OTOGL: variants seen among roughly 807,000 people sequenced by gnomAD.
The protein encoded by OTOGL is otogelin-like protein.
OTOGL carries 285 observed loss-of-function variants against 318.5 expected under a neutral mutation model. That is an observed-to-expected ratio of 0.89 (90% CI 0.81 to 0.99). The LOEUF is 0.99. OTOGL is among the 50% of genes least tolerant of loss of function. The pLI is 0.00. For synonymous variants in OTOGL, 987 were observed against 936.5 expected (o/e 1.05, Z -0.99); for missense variants, 2,899 against 2,845.6 (o/e 1.02, Z -0.43).
intron 1 of OTOGL, among the ~76,000 whole-genome samples, chr12:80,108,144 A>T (rs1002082080): frequency 6.6e-6 from 1 of 152,104 alleles, no homozygotes; most frequent in African/African-American, 2.4e-5. Context: ...AATATCAGGA[A>T]GTTGGCAAAT....
intron 1 of OTOGL, among the ~76,000 whole-genome samples, chr12:80,111,755 T>A (rs1869852895): frequency 6.6e-6 from 1 of 152,198 alleles, no homozygotes; most frequent in South Asian, 2.1e-4. Context: ...CCATATGAAA[T>A]TTAAGTAGTT....
Position 80,377,877 on chromosome 12 carries a change from CCCATCAG to C in OTOGL, c.6893_6899del (p.Pro2298LeufsTer12). ...ATGTTGCATCTTGTGACGGCAAATG[CCCATCAG>C]CTACCATATATAACATCAATATTGA... is the stretch of plus-strand genomic sequence containing the variant. On this transcript the variant is annotated frameshift_variant, in exon 59 of 59. Coordinates refer to ENST00000547103, the MANE Select transcript of OTOGL (RefSeq NM_001378609.3). LOFTEE classifies it high-confidence loss of function. 1 of 1,611,022 alleles carries C rather than the reference CCCATCAG, an allele frequency of 6.2e-7. No homozygotes were observed.
At chr12:80,110,942 CTAACTGGTGTGAAATGATATCTCATTG>C (rs1423589449) in intron 1 of OTOGL, among the ~76,000 whole-genome samples, 2 of 152,198 alleles carry the variant, frequency 1.3e-5, no homozygotes, top group Non-Finnish European at 2.9e-5. Context: ...GATTGCCATT[CTAACTGGTGTGAAATGATATCTCATTG>C]TGGTTTTAAT....
intron 29 of OTOGL, among the ~76,000 whole-genome samples, chr12:80,309,493 A>G (rs959359079): frequency 3.9e-5 from 6 of 152,156 alleles, no homozygotes; most frequent in African/African-American, 1.4e-4. Flanking sequence ...GTGAATTTCA[A>G]AAAGTTAATT....
intron 1 of OTOGL, among the ~76,000 whole-genome samples, chr12:80,137,930 G>A (rs958032768): frequency 6.6e-6 from 1 of 152,230 alleles, no homozygotes; most frequent in African/African-American, 2.4e-5. Context: ...TCACTTTGGA[G>A]TCTCCTAGCC....
At position 80,368,222 on chromosome 12, in the gene OTOGL, A is replaced by G. The variant is rs1890669526; in HGVS notation, c.6528A>G (p.Pro2176=). Residue 2176 remains proline (P), a synonymous_variant, in exon 55 of 59, where the codon CCA becomes CCG. Transcript: ENST00000547103. ...ATATGCAGCACCAGGTATATACTCC[A>G]TCCCCAAGTGATTATGGTTGTTGTG... ...KKCDVHQVYT[P]SPSDYGCCGT... is the part of the protein sequence containing the mutation. 1.9e-6 allele frequency: 3 copies of G among 1,599,962 alleles called. No homozygotes were observed. Among genetic ancestry groups the G allele is most frequent in the East Asian group, 2.2e-5 (1 of 44,560 alleles).
chr12:80,309,848 G>A (rs1396511707), intron 29 of OTOGL, among the ~76,000 whole-genome samples: 9 of 152,188 alleles, frequency 5.9e-5, no homozygotes, highest in Non-Finnish European at 7.3e-5. Context: ...AATTCAGGAA[G>A]GAGATGTGGG....
intron 1 of OTOGL, among the ~76,000 whole-genome samples, chr12:80,122,033 A>C (rs10862055): frequency 0.54 from 82,130 of 151,858 alleles, 22,363 homozygotes; most frequent in Non-Finnish European, 0.58. Flanking sequence ...TAATTCAAGC[A>C]CCAAATCCAT....
At chr12:80,195,909 C>T (rs1407069592) in intron 1 of OTOGL, among the ~76,000 whole-genome samples, 2 of 152,194 alleles carry the variant, frequency 1.3e-5, no homozygotes, top group East Asian at 3.8e-4. Context: ...ACCAGAATAT[C>T]ACTGAACATA....
intron 11 of OTOGL, among the ~76,000 whole-genome samples, chr12:80,240,063 C>T (rs1258005904): frequency 6.6e-6 from 1 of 152,036 alleles, no homozygotes; most frequent in Non-Finnish European, 1.5e-5. Context: ...GGATTTCATT[C>T]TTTTTTATGG....
chr12:80,270,538 G>A (rs1883332968), intron 23 of OTOGL, among the ~76,000 whole-genome samples: 1 of 152,120 alleles, frequency 6.6e-6, no homozygotes, highest in Non-Finnish European at 1.5e-5. Context: ...AGATTTTAGT[G>A]TGCACATATG....
intron 22 of OTOGL, among the ~76,000 whole-genome samples, chr12:80,268,604 A>G (rs931913985): frequency 1.3e-5 from 2 of 152,182 alleles, no homozygotes; most frequent in Admixed American, 6.6e-5. Context: ...CAGTACTATT[A>G]TTCACACAGT....
intron 1 of OTOGL, among the ~76,000 whole-genome samples, chr12:80,188,881 C>T (rs1294075776): frequency 6.6e-6 from 1 of 152,172 alleles, no homozygotes; most frequent in East Asian, 1.9e-4. Flanking sequence ...ATTATTTTAT[C>T]TGTTTTTAAT....
rs866760437 is a variant in OTOGL, at chr12:80,356,675, T to C, written c.5912-132T>C. The C allele has an allele frequency of 3.5e-4, 212 of 598,696 alleles. 1 individual carries two copies. In the Middle Eastern group the frequency reaches 6.3e-3, roughly 18 times the overall value. The allele number at this position is 598,696 out of a possible 1,614,324, so 37.1% of individuals were successfully genotyped here. On this transcript the variant is annotated intron_variant, in intron 48 of 58. Transcript: ENST00000547103. ...TTTTAAACCTGGTATATATCTTTCA[T>C]ATATATGTATATATATATATGATTA...
rs1318510271 is a variant in OTOGL at position 80,146,490 on chromosome 12, A to G, written c.-20+46885A>G. ...TTTTATTGAGGATTTTTGCATCAATATTCATCAAGGATATTGGTCTAAAAT... is the reference window on the plus strand; with the variant it reads ...TTTTATTGAGGATTTTTGCATCAATGTTCATCAAGGATATTGGTCTAAAAT... On this transcript the variant is annotated intron_variant, in intron 1 of 58. Transcript: ENST00000547103. Among the ~76,000 whole-genome samples the G allele has an allele frequency of 1.1e-4, 16 of 151,928 alleles. No homozygotes were observed. The South Asian group carries it at 1.5e-3, about 14-fold the overall frequency.
At chr12:80,177,888 T>C (rs559200862) in intron 1 of OTOGL, among the ~76,000 whole-genome samples, 2 of 152,232 alleles carry the variant, frequency 1.3e-5, no homozygotes, top group Admixed American at 1.3e-4. Flanking sequence ...ACTACTGCAG[T>C]AATACTCTTC....
At chr12:80,147,093 C>G (rs1223896649) in intron 1 of OTOGL, among the ~76,000 whole-genome samples, 1 of 151,462 alleles carries the variant, frequency 6.6e-6, no homozygotes, top group Non-Finnish European at 1.5e-5. Flanking sequence ...TTGCCTTCTG[C>G]TAGCTTTTGA....
intron 14 of OTOGL, 53 bp downstream of exon 14, chr12:80,253,627 C>T: frequency 2.1e-6 from 3 of 1,396,346 alleles, no homozygotes; most frequent in Non-Finnish European, 3.0e-6. Context: ...TAGTTGACAA[C>T]TTTACCATGA....
intron 1 of OTOGL, among the ~76,000 whole-genome samples, chr12:80,196,419 A>T (rs112905587): frequency 6.6e-6 from 1 of 152,188 alleles, no homozygotes; most frequent in Non-Finnish European, 1.5e-5. Context: ...ACAATGAACA[A>T]TTAGGTTTTT....
Sources: gnomAD v4.1 joint callset for allele counts (sites outside exome capture counted in the v4.1 genomes callset) on GRCh38, gnomAD v4.1.1 for gene constraint, MANE v1.5 for transcripts, NCBI Gene and HGNC (gene_info 2026-07-23, HGNC 2026-07-21) for gene names.